The following ARID1B variants were observed in gnomAD, a reference collection of about 807,000 sequenced individuals.
ARID1B encodes AT-rich interaction domain 1B.
In ARID1B, 30 loss-of-function variants were observed where a neutral mutation model predicts 212.3. That is an observed-to-expected ratio of 0.14 (90% confidence interval 0.11 to 0.19). The LOEUF is 0.19. Among genes scored for constraint, ARID1B ranks in the 10% least tolerant of loss-of-function variants. The probability of loss-of-function intolerance (pLI) is 1.00; values close to 1 mark genes in which losing one functional copy is unlikely to be tolerated. For synonymous variants in ARID1B, 1,402 were observed against 1,301.7 expected (o/e 1.08, Z -1.66); for missense variants, 2,891 against 3,204.0 (o/e 0.90, Z 2.36).
intron 9 of ARID1B, chr6:157,168,301 A>C (rs1791480390): frequency 6.6e-6 from 1 of 152,198 alleles, no homozygotes; most frequent in African/African-American, 2.4e-5. Flanking sequence ...AACACATAGA[A>C]ACTAGTGGTA....
At position 157,209,455 on chromosome 6, in the gene ARID1B, T is replaced by C. The variant is rs151019751; in HGVS notation, c.*1564T>C. 1 of 232,672 alleles carries C rather than the reference T, an allele frequency of 4.3e-6. No homozygotes were observed. The highest frequency in any genetic ancestry group is 6.1e-5 in the East Asian group (1 of 16,448). 14.4% of individuals were successfully genotyped at this position (232,672 alleles called of 1,614,324 possible). A position where few individuals can be genotyped will look rare whatever the true frequency, so the allele number is the denominator to read the frequency against. On this transcript the variant is annotated 3_prime_UTR_variant, in exon 20 of 20. Coordinates refer to ENST00000636930, the MANE Select transcript of ARID1B (RefSeq NM_001374828.1). ...TGATTTTCTCAAATTACTTAGCTAA[T>C]TAGTCTTTCTTTGAAGCAATTAACT... is the stretch of plus-strand genomic sequence containing the variant.
chr6:156,831,662 T>C (rs1392993359), intron 2 of ARID1B, among the ~76,000 whole-genome samples: 1 of 152,246 alleles, frequency 6.6e-6, no homozygotes, highest in Non-Finnish European at 1.5e-5. Context: ...TTTCTTAGCT[T>C]CTTCCATTTA....
intron 2 of ARID1B, among the ~76,000 whole-genome samples, chr6:156,876,072 G>T (rs1398346532): frequency 6.6e-6 from 1 of 152,046 alleles, no homozygotes; most frequent in African/African-American, 2.4e-5. Flanking sequence ...TTGAAGTTGG[G>T]TCTCTGAAAA....
At chr6:156,818,587 G>A (rs1782137805) in intron 1 of ARID1B, among the ~76,000 whole-genome samples, 1 of 152,152 alleles carries the variant, frequency 6.6e-6, no homozygotes, top group Non-Finnish European at 1.5e-5. Context: ...GAGAGGTGGG[G>A]AAATTGAGGC....
chr6:156,907,904 T>C (rs138650688), intron 3 of ARID1B, among the ~76,000 whole-genome samples: 2,796 of 111,378 alleles, frequency 0.025, 105 homozygotes, highest in African/African-American at 0.099. Flanking sequence ...CAAGACTGTC[T>C]CAAAAAAAAA....
At chr6:156,847,036 TG>T (rs548377626) in intron 2 of ARID1B, among the ~76,000 whole-genome samples, 29 of 152,356 alleles carry the variant, frequency 1.9e-4, no homozygotes, top group African/African-American at 7.0e-4. Flanking sequence ...TTTGCCCTTG[TG>T]GTATTTGTTT....
At chr6:157,016,596 C>T (rs1344970979) in intron 4 of ARID1B, among the ~76,000 whole-genome samples, 1 of 152,092 alleles carries the variant, frequency 6.6e-6, no homozygotes, top group African/African-American at 2.4e-5. Context: ...AGTTATGGGA[C>T]CTGGCATGTC....
At chr6:156,906,019 T>C (rs1317633458) in intron 3 of ARID1B, among the ~76,000 whole-genome samples, 1 of 152,090 alleles carries the variant, frequency 6.6e-6, no homozygotes, top group African/African-American at 2.4e-5. Context: ...TTTGTTTAGC[T>C]TAGGTGGCTG....
chr6:156,998,386 A>G (rs1158328218), intron 4 of ARID1B, among the ~76,000 whole-genome samples: 2 of 151,862 alleles, frequency 1.3e-5, no homozygotes, highest in African/African-American at 4.8e-5. Context: ...ATGCCCGGCT[A>G]ATTTTTTCTT....
chr6:157,008,062 T>A (rs1009395849), intron 4 of ARID1B, among the ~76,000 whole-genome samples: 1 of 152,206 alleles, frequency 6.6e-6, no homozygotes, highest in African/African-American at 2.4e-5. Context: ...AAATAAGTGC[T>A]ATTACAGAGA....
rs545948482 is a variant in ARID1B at position 157,074,984 on chromosome 6, T to C, written c.2248-9678T>C. Reference sequence around the variant, plus strand: ...ATCATCATGGTTATTATTATTGGCATTGGAAGTTTCTTTCTGAGACCCTGA... The same window carrying C: ...ATCATCATGGTTATTATTATTGGCACTGGAAGTTTCTTTCTGAGACCCTGA... On this transcript the variant is annotated intron_variant, in intron 4 of 19. Transcript: ENST00000636930. Among the ~76,000 whole-genome samples the C allele has an allele frequency of 2.6e-5, 4 of 152,324 alleles. No individual in the cohort carries two copies. The South Asian group carries it at 8.3e-4, about 32-fold the overall frequency.
chr6:156,901,808 C>A, intron 3 of ARID1B: 1 of 459,598 alleles, frequency 2.2e-6, no homozygotes, highest in Non-Finnish European at 3.8e-6. Context: ...CATTTGTGTT[C>A]TGAACCTTTC....
chr6:156,789,884 C>T (rs1779899420), intron 1 of ARID1B, among the ~76,000 whole-genome samples: 1 of 152,146 alleles, frequency 6.6e-6, no homozygotes. Context: ...AACGTGTATG[C>T]TGCTTGGCAA....
intron 4 of ARID1B, among the ~76,000 whole-genome samples, chr6:157,062,321 C>T (rs1334858232): frequency 6.6e-6 from 1 of 151,970 alleles, no homozygotes; most frequent in Non-Finnish European, 1.5e-5. Context: ...CTCAGCCTCC[C>T]AAGTACTTGG....
chr6:157,118,482 A>G (rs1787483665), intron 6 of ARID1B, among the ~76,000 whole-genome samples: 1 of 152,232 alleles, frequency 6.6e-6, no homozygotes, highest in Non-Finnish European at 1.5e-5. Flanking sequence ...CCTCACCCCC[A>G]GATGCAATTA....
rs116538889 is a variant in ARID1B, at chr6:156,803,893, G to A, written c.1791+24422G>A. On this transcript the variant is annotated intron_variant, in intron 1 of 19. Transcript: ENST00000636930. ...ATAGGGATGATGAAACGTAATTTACGTGGTTGCTAAGAGAGCTAAATTAGT... is the reference window on the plus strand; with the variant it reads ...ATAGGGATGATGAAACGTAATTTACATGGTTGCTAAGAGAGCTAAATTAGT... Among the ~76,000 whole-genome samples, 374 of 152,168 alleles carry A rather than the reference G, an allele frequency of 2.5e-3. 2 individuals carry two copies. The highest frequency in any genetic ancestry group is 8.0e-3 in the African/African-American group (331 of 41,514).
At chr6:157,011,333 T>C (rs1286207289) in intron 4 of ARID1B, among the ~76,000 whole-genome samples, 1 of 152,256 alleles carries the variant, frequency 6.6e-6, no homozygotes, top group Admixed American at 6.5e-5. Context: ...ATTGTAGTTC[T>C]ATGATAAATT....
chr6:156,902,735 CAAAAAA>C (rs869259426), intron 3 of ARID1B, among the ~76,000 whole-genome samples: 3 of 61,682 alleles, frequency 4.9e-5, no homozygotes, highest in East Asian at 1.9e-3. Flanking sequence ...GACTCTGTCT[CAAAAAA>C]AAAAAAAAAA....
intron 1 of ARID1B, among the ~76,000 whole-genome samples, chr6:156,782,948 T>C (rs1779378020): frequency 6.6e-6 from 1 of 152,084 alleles, no homozygotes. Flanking sequence ...CTGATTTTTG[T>C]GGTACATACT....
Sources: allele counts gnomAD v4.1 joint callset (sites outside exome capture counted in the v4.1 genomes callset), GRCh38; gene constraint gnomAD v4.1.1; transcripts MANE v1.5; gene names NCBI Gene and HGNC (gene_info 2026-07-23, HGNC 2026-07-21).